IL21R: variants seen among roughly 807,000 people sequenced by gnomAD.
The protein encoded by IL21R is interleukin-21 receptor.
A neutral mutation model predicts 41.3 loss-of-function variants in IL21R; 14 were observed. The observed-to-expected ratio is 0.34, with a 90% CI of 0.22 to 0.53. The LOEUF is 0.53. Ranked by LOEUF, IL21R falls within the 20% of genes least tolerant of loss-of-function variation. The pLI, the probability that IL21R is intolerant of heterozygous loss-of-function variation, is 0.94. For missense variants in IL21R, 588 were observed against 681.6 expected, an observed-to-expected ratio of 0.86 and a Z score of 1.53; for synonymous variants, 286 against 287.6, an observed-to-expected ratio of 0.99 and a Z score of 0.05.
At chr16:27,436,198 A>G (rs1469686221) in intron 3 of IL21R, among the ~76,000 whole-genome samples, 1 of 152,232 alleles carries the variant, frequency 6.6e-6, no homozygotes, top group African/African-American at 2.4e-5. Flanking sequence ...AAGTGTTGGG[A>G]TTACAGGCAT....
intron 5 of IL21R, among the ~76,000 whole-genome samples, chr16:27,443,517 C>A (rs1027387344): frequency 4.6e-5 from 7 of 152,164 alleles, no homozygotes; most frequent in African/African-American, 1.7e-4. Flanking sequence ...GGTGCGGTGG[C>A]TCATGCCTGT....
At chr16:27,424,822 G>T (rs2087049147) in intron 1 of IL21R, among the ~76,000 whole-genome samples, 1 of 152,134 alleles carries the variant, frequency 6.6e-6, no homozygotes, top group Non-Finnish European at 1.5e-5. Flanking sequence ...GGTTTAATTG[G>T]CTCATGGTTC....
At position 27,450,033 on chromosome 16, in the gene IL21R, C is replaced by T. The variant is rs1391857822; in HGVS notation, c.*750C>T. 4 of 232,604 alleles carry T rather than the reference C, an allele frequency of 1.7e-5. No homozygotes were observed. The highest frequency in any genetic ancestry group is 5.6e-5 in the Admixed American group (1 of 17,754). The allele number at this position is 232,604 out of a possible 1,614,324, so 14.4% of individuals were successfully genotyped here. On this transcript the variant is annotated 3_prime_UTR_variant, in exon 9 of 9. Transcript: ENST00000337929. ...TTGGCGATGTCACCCGTGTACGGTACGCAGCCCAGAGCAGACCCTCAATAA... is the reference window on the plus strand; with the variant it reads ...TTGGCGATGTCACCCGTGTACGGTATGCAGCCCAGAGCAGACCCTCAATAA...
At chr16:27,429,667 G>A (rs866342890) in intron 1 of IL21R, among the ~76,000 whole-genome samples, 27 of 152,116 alleles carry the variant, frequency 1.8e-4, no homozygotes, top group Admixed American at 2.6e-4. Flanking sequence ...CCAGCTACTC[G>A]GGAGGCTGAT....
At chr16:27,432,963 G>A (rs1447941560) in intron 2 of IL21R, among the ~76,000 whole-genome samples, 1 of 152,174 alleles carries the variant, frequency 6.6e-6, no homozygotes, top group Admixed American at 6.5e-5. Context: ...CCCAGACCAA[G>A]AGAGACAAGA....
rs539860857 is a variant in IL21R at position 27,434,723 on chromosome 16, C to T, written c.152+274C>T. Among the ~76,000 whole-genome samples, 68 of 152,196 alleles carry T rather than the reference C, an allele frequency of 4.5e-4. 1 individual carries two copies. The South Asian group carries it at 0.014, about 31-fold the overall frequency. ...TTTTCAAGCACTTAGGTACCAGGCC[C>T]CCAACTACACGCTTCCCATGAATGG... is the stretch of plus-strand genomic sequence containing the variant. On this transcript the variant is annotated intron_variant, in intron 3 of 8. Transcript: ENST00000337929.
intron 5 of IL21R, among the ~76,000 whole-genome samples, chr16:27,443,645 G>C (rs553700487): frequency 6.6e-6 from 1 of 152,110 alleles, no homozygotes; most frequent in Non-Finnish European, 1.5e-5. Flanking sequence ...TTAGCCAGGC[G>C]TGGTGACATG....
At chr16:27,443,302 C>T (rs1318819246) in intron 5 of IL21R, among the ~76,000 whole-genome samples, 186 bp downstream of exon 5, 2 of 152,138 alleles carry the variant, frequency 1.3e-5, no homozygotes, top group African/African-American at 4.8e-5. Context: ...GTAGGAGACC[C>T]CTGAATAATC....
intron 2 of IL21R, among the ~76,000 whole-genome samples, chr16:27,433,484 T>C (rs1298160602): frequency 1.3e-5 from 2 of 152,148 alleles, no homozygotes; most frequent in East Asian, 3.8e-4. Context: ...AGGTGAGCGG[T>C]ACAAGTTTCT....
intron 1 of IL21R, chr16:27,427,136 G>A (rs961452226): frequency 1.7e-4 from 31 of 186,036 alleles, no homozygotes; most frequent in African/African-American, 4.8e-4. Flanking sequence ...GGCCTTGCCT[G>A]GGTTGACATC....
chr16:27,411,796 T>C (rs527244840), intron 1 of IL21R, among the ~76,000 whole-genome samples: 1 of 152,230 alleles, frequency 6.6e-6, no homozygotes, highest in African/African-American at 2.4e-5. Flanking sequence ...TTTTGTGTTG[T>C]TATTGAGTTG....
At chr16:27,414,548 A>G (rs2086869420) in intron 1 of IL21R, among the ~76,000 whole-genome samples, 1 of 148,124 alleles carries the variant, frequency 6.8e-6, no homozygotes, top group Admixed American at 6.7e-5. Flanking sequence ...ACTGCCTTTT[A>G]TTTCAGACAT....
intron 1 of IL21R, among the ~76,000 whole-genome samples, chr16:27,422,049 T>A (rs995424464): frequency 6.6e-6 from 1 of 152,092 alleles, no homozygotes; most frequent in Admixed American, 6.5e-5. Flanking sequence ...TTTAAGAGAT[T>A]TTTTTCTGGA....
At chr16:27,435,115 C>T (rs2087245309) in intron 3 of IL21R, among the ~76,000 whole-genome samples, 2 of 152,106 alleles carry the variant, frequency 1.3e-5, no homozygotes, top group Admixed American at 6.5e-5. Context: ...ATAAATCAGT[C>T]GGGCGTGGTG....
chr16:27,436,114 C>G (rs2087264751), intron 3 of IL21R, among the ~76,000 whole-genome samples: 1 of 152,202 alleles, frequency 6.6e-6, no homozygotes, highest in South Asian at 2.1e-4. Context: ...TCAAAGACCA[C>G]TCTCTCGCCC....
chr16:27,433,069 T>C (rs2087202154), intron 2 of IL21R, among the ~76,000 whole-genome samples: 2 of 152,192 alleles, frequency 1.3e-5, no homozygotes, highest in South Asian at 4.1e-4. Flanking sequence ...ATATAGGTTC[T>C]GTCCTAGAGT....
intron 1 of IL21R, among the ~76,000 whole-genome samples, chr16:27,421,289 C>T (rs912274644): frequency 2.7e-5 from 4 of 146,144 alleles, no homozygotes; most frequent in African/African-American, 5.1e-5. Context: ...CTATTCTAGT[C>T]CCTTACATTT....
At chr16:27,421,581 T>C (rs2087002436) in intron 1 of IL21R, among the ~76,000 whole-genome samples, 1 of 152,110 alleles carries the variant, frequency 6.6e-6, no homozygotes, top group Non-Finnish European at 1.5e-5. Flanking sequence ...TTTTGTTAAA[T>C]TTACTTTAAC....
At chr16:27,430,141 C>T (rs773652404) in intron 2 of IL21R, 21 bp downstream of exon 2, 1 of 1,599,400 alleles carries the variant, frequency 6.3e-7, no homozygotes, top group Non-Finnish European at 8.5e-7. Context: ...GCCCCGTGGT[C>T]TGCGGGTGGG....
Sources: allele counts gnomAD v4.1 joint callset (sites outside exome capture counted in the v4.1 genomes callset), GRCh38; gene constraint gnomAD v4.1.1; transcripts MANE v1.5; gene names NCBI Gene and HGNC (gene_info 2026-07-23, HGNC 2026-07-21).